The following MYH10 variants were observed in gnomAD, a reference collection of about 807,000 sequenced individuals.
The protein encoded by MYH10 is myosin-10.
A neutral mutation model predicts 257.8 loss-of-function variants in MYH10; 55 were observed. The ratio of observed to expected loss-of-function variants is 0.21; its 90% confidence interval spans 0.17 to 0.27. The LOEUF is 0.27. MYH10 is among the 10% of genes least tolerant of loss of function. MYH10 has a pLI of 1.00. For synonymous variants in MYH10, 854 were observed against 921.7 expected (o/e 0.93, Z 1.33); for missense variants, 1,631 against 2,500.6 (o/e 0.65, Z 7.42).
chr17:8,511,435 A>G (rs910550560), intron 24 of MYH10, among the ~76,000 whole-genome samples: 3 of 152,092 alleles, frequency 2.0e-5, no homozygotes, highest in African/African-American at 7.2e-5. Context: ...CAAGGGAATC[A>G]CTTGAACCGA....
intron 4 of MYH10, among the ~76,000 whole-genome samples, chr17:8,587,903 GCTTCT>G: frequency 6.6e-6 from 1 of 152,004 alleles, no homozygotes; most frequent in Middle Eastern, 3.4e-3. Context: ...CTGCCACCTG[GCTTCT>G]CTACCTCTTC....
At chr17:8,610,954 TAAGAA>T (rs2085015651) in intron 2 of MYH10, among the ~76,000 whole-genome samples, 1 of 152,154 alleles carries the variant, frequency 6.6e-6, no homozygotes, top group Admixed American at 6.5e-5. Context: ...AAAAGGAAAA[TAAGAA>T]AAGTAACTGA....
At chr17:8,609,996 G>A (rs975309523) in intron 2 of MYH10, among the ~76,000 whole-genome samples, 1 of 151,838 alleles carries the variant, frequency 6.6e-6, no homozygotes, top group East Asian at 1.9e-4. Flanking sequence ...AGGAATAATG[G>A]CACTGGACTC....
In MYH10 at chr17:8,536,798, C is replaced by CAAAA. The variant is rs377714925; in HGVS notation, c.1606-871_1606-868dup. 2.9e-4 allele frequency among the ~76,000 whole-genome samples: 34 copies of CAAAA among 117,810 alleles called. 1 individual carries two copies. The highest frequency in any genetic ancestry group is 8.9e-4 in the African/African-American group (29 of 32,522). 77.3% of individuals were successfully genotyped at this position (117,810 alleles called of 152,430 possible). On this transcript the variant is annotated intron_variant, in intron 14 of 42. Transcript: ENST00000360416. ...TGGGTAACAGAGCAAGACTCTGTCT[C>CAAAA]AAAAAAAAAAAAAAAGCGCTAGATG...
At chr17:8,494,008 A>AT in intron 31 of MYH10, 123 bp from the exon 32 acceptor site, 1 of 1,037,970 alleles carries the variant, frequency 9.6e-7, no homozygotes, top group Non-Finnish European at 1.4e-6. Context: ...GCCCAGTGAC[A>AT]TTAACAAACA....
At chr17:8,519,151 GGTTA>G (rs767678479) in intron 19 of MYH10, among the ~76,000 whole-genome samples, 3 of 152,202 alleles carry the variant, frequency 2.0e-5, no homozygotes, top group East Asian at 3.8e-4. Context: ...GTAAAAATGA[GGTTA>G]GTTCTTTCAG....
Position 8,479,341 on chromosome 17 carries a change from A to G in MYH10, c.5597+769T>C, listed in dbSNP as rs191497936. Reference sequence around the variant, plus strand: ...GTCCCATATGAAGGAGAGGTAACTTATTTGGAGGACTCCATGGAAGACAGA... The same window carrying G: ...GTCCCATATGAAGGAGAGGTAACTTGTTTGGAGGACTCCATGGAAGACAGA... On this transcript the variant is annotated intron_variant, in intron 40 of 42. Coordinates refer to ENST00000360416, the MANE Select transcript of MYH10 (RefSeq NM_001256012.3). 3.3e-3 allele frequency among the ~76,000 whole-genome samples: 499 copies of G among 152,330 alleles called. 5 individuals carry two copies. The highest frequency in any genetic ancestry group is 0.011 in the African/African-American group (465 of 41,570).
intron 1 of MYH10, among the ~76,000 whole-genome samples, chr17:8,625,897 C>T (rs1006244033): frequency 2.6e-5 from 4 of 152,116 alleles, no homozygotes; most frequent in Middle Eastern, 3.2e-3. Flanking sequence ...TGCGCCACTG[C>T]TACCAGCAGG....
chr17:8,560,595 T>C, intron 7 of MYH10: 1 of 897,344 alleles, frequency 1.1e-6, no homozygotes, highest in South Asian at 1.3e-5. Flanking sequence ...CACTGAGCAC[T>C]GGAGGAAAAG....
intron 2 of MYH10, among the ~76,000 whole-genome samples, chr17:8,614,166 T>A (rs558554655): frequency 6.3e-4 from 96 of 152,156 alleles, no homozygotes; most frequent in African/African-American, 2.2e-3. Context: ...ATTAATCACA[T>A]AACGAACCAT....
chr17:8,578,249 T>TC (rs2083575187), intron 4 of MYH10, among the ~76,000 whole-genome samples: 1 of 149,006 alleles, frequency 6.7e-6, no homozygotes, highest in African/African-American at 2.5e-5. Context: ...CTTTCTTTTT[T>TC]TTTTTTTTTT....
At chr17:8,597,256 T>C (rs1198533340) in intron 3 of MYH10, among the ~76,000 whole-genome samples, 1 of 151,428 alleles carries the variant, frequency 6.6e-6, no homozygotes, top group African/African-American at 2.4e-5. Flanking sequence ...AGGGTTTAGA[T>C]GAGTATAAAA....
intron 1 of MYH10, among the ~76,000 whole-genome samples, chr17:8,627,555 T>C (rs889064247): frequency 2.0e-5 from 3 of 152,240 alleles, no homozygotes; most frequent in Admixed American, 6.5e-5. Context: ...AGTGTTCATA[T>C]TATTGTTTAC....
intron 2 of MYH10, among the ~76,000 whole-genome samples, chr17:8,612,821 G>T (rs916823914): frequency 6.6e-6 from 1 of 151,390 alleles, no homozygotes; most frequent in Non-Finnish European, 1.5e-5. Context: ...TTGCACTCCA[G>T]CCTGGGCTAC....
At chr17:8,530,572 T>C in intron 17 of MYH10, 51 bp downstream of exon 17, 3 of 1,138,224 alleles carry the variant, frequency 2.6e-6, no homozygotes, top group Middle Eastern at 2.3e-4. Flanking sequence ...GTTTTTCCTG[T>C]GGGCTTAAAA....
At chr17:8,514,580 TATTTTTCA>T (rs1193169380) in intron 21 of MYH10, among the ~76,000 whole-genome samples, 1 of 152,086 alleles carries the variant, frequency 6.6e-6, no homozygotes, top group African/African-American at 2.4e-5. Context: ...TTCACTCTAC[TATTTTTCA>T]ATTTCTCACT....
chr17:8,554,053 A>G, intron 7 of MYH10, 35 bp from the exon 8 acceptor site: 1 of 1,453,882 alleles, frequency 6.9e-7, no homozygotes, highest in Non-Finnish European at 9.7e-7. Context: ...ATTGAAAATA[A>G]GTAAGTACAT....
chr17:8,486,661 CAT>C (rs1488168704), intron 36 of MYH10, among the ~76,000 whole-genome samples: 4 of 150,658 alleles, frequency 2.7e-5, no homozygotes, highest in Non-Finnish European at 4.4e-5. Context: ...TGTCTGCCTA[CAT>C]GTCTGTATGT....
chr17:8,489,555 T>C (rs954988919), intron 35 of MYH10, among the ~76,000 whole-genome samples: 3 of 151,904 alleles, frequency 2.0e-5, no homozygotes, highest in African/African-American at 7.3e-5. Flanking sequence ...AATACAAAAA[T>C]TAGCTGGGCA....
Sources: allele counts gnomAD v4.1 joint callset (sites outside exome capture counted in the v4.1 genomes callset), GRCh38; gene constraint gnomAD v4.1.1; transcripts MANE v1.5; gene names NCBI Gene and HGNC (gene_info 2026-07-23, HGNC 2026-07-21).